The following ZC3H18 variants were observed in gnomAD, a reference collection of about 807,000 sequenced individuals.
ZC3H18 encodes the protein zinc finger CCCH domain-containing protein 18.
Under a neutral mutation model 106.1 loss-of-function variants are expected in ZC3H18, and 8 were observed. That is an observed-to-expected ratio of 0.08 (90% CI 0.04 to 0.14). ZC3H18 has a LOEUF of 0.14. Ranked by LOEUF, ZC3H18 falls within the 10% of genes least tolerant of loss-of-function variation. The probability of loss-of-function intolerance (pLI) is 1.00; values close to 1 mark genes in which losing one functional copy is unlikely to be tolerated. For synonymous variants in ZC3H18, 635 were observed against 522.1 expected, an observed-to-expected ratio of 1.22 and a Z score of -2.95; for missense variants, 1,318 against 1,278.4, an observed-to-expected ratio of 1.03 and a Z score of -0.47.
rs1479533560 is a variant in ZC3H18, at chr16:88,586,994, A to G, written c.688+310A>G. On this transcript the variant is annotated intron_variant, in intron 3 of 17. Coordinates refer to ENST00000301011, the MANE Select transcript of ZC3H18 (RefSeq NM_144604.4). ...CCATAACTATAATGCAGATGGCATC[A>G]GTCATTTTTCAAAGTGGTCCTTTTC... 2.0e-5 allele frequency among the ~76,000 whole-genome samples: 3 copies of G among 152,254 alleles called. 1 individual carries two copies. The South Asian group carries it at 6.2e-4, about 32-fold the overall frequency.
intron 17 of ZC3H18, among the ~76,000 whole-genome samples, 198 bp downstream of exon 17, chr16:88,630,779 C>T (rs112856134): frequency 0.068 from 9,583 of 140,280 alleles, 543 homozygotes; most frequent in Middle Eastern, 0.12. Context: ...CACACACACA[C>T]GCTCCTGCCC....
intron 8 of ZC3H18, among the ~76,000 whole-genome samples, chr16:88,618,659 G>A (rs965740405): frequency 2.6e-5 from 4 of 152,180 alleles, no homozygotes; most frequent in Non-Finnish European, 5.9e-5. Context: ...TTGCATTGGT[G>A]GTGGAGCTGA....
At chr16:88,595,067 C>G (rs1209337961) in intron 3 of ZC3H18, among the ~76,000 whole-genome samples, 1 of 152,206 alleles carries the variant, frequency 6.6e-6, no homozygotes, top group Non-Finnish European at 1.5e-5. Context: ...AGGAGAATCA[C>G]TTGAACCTGG....
At chr16:88,615,042 TG>T (rs1414800911) in intron 8 of ZC3H18, among the ~76,000 whole-genome samples, 3 of 130,246 alleles carry the variant, frequency 2.3e-5, no homozygotes, top group South Asian at 2.6e-4. Context: ...TGCCCCCACC[TG>T]CTCCGTTCCC....
At chr16:88,589,607 G>A (rs913597761) in intron 3 of ZC3H18, among the ~76,000 whole-genome samples, 3 of 151,938 alleles carry the variant, frequency 2.0e-5, no homozygotes, top group South Asian at 2.1e-4. Flanking sequence ...ACGCCGCAAC[G>A]TGGACGAGCC....
intron 2 of ZC3H18, among the ~76,000 whole-genome samples, chr16:88,584,847 A>G (rs1040178151): frequency 6.6e-6 from 1 of 152,174 alleles, no homozygotes; most frequent in Non-Finnish European, 1.5e-5. Flanking sequence ...TTTGTTTCCT[A>G]TTCATCCTGA....
chr16:88,598,281 T>A lies in ZC3H18; in HGVS notation c.792T>A (p.Gly264=). The change falls in exon 4 of 18, where the codon GGT becomes GGA. Residue 264 remains glycine (G), a synonymous_variant. Coordinates refer to ENST00000301011, the MANE Select transcript of ZC3H18 (RefSeq NM_144604.4). ...AAGCCGACCCCTTCCCGCCTAATGG[T>A]GCCCCGCCTCTCGGACCTCACCCGC... ...ITKADPFPPN[G]APPLGPHPLM... 3 of 1,609,882 alleles carry A rather than the reference T, an allele frequency of 1.9e-6. No homozygotes were observed. The highest frequency in any genetic ancestry group is 2.5e-6 in the Non-Finnish European group (3 of 1,178,458).
chr16:88,629,786 G>A (rs1702461692), intron 16 of ZC3H18, among the ~76,000 whole-genome samples: 1 of 152,224 alleles, frequency 6.6e-6, no homozygotes, highest in South Asian at 2.1e-4. Context: ...TTTGATGGGT[G>A]GAGCTCAAAC....
chr16:88,599,462 C>T (rs965491098), intron 5 of ZC3H18, among the ~76,000 whole-genome samples: 5 of 152,152 alleles, frequency 3.3e-5, no homozygotes, highest in Non-Finnish European at 5.9e-5. Context: ...TCACTTCCTT[C>T]CCTCTGAGAC....
chr16:88,580,515 A>G (rs570662848), intron 2 of ZC3H18, among the ~76,000 whole-genome samples: 4 of 152,244 alleles, frequency 2.6e-5, no homozygotes, highest in African/African-American at 7.2e-5. Context: ...CATCCTGTGC[A>G]TGAAGAGCTG....
At chr16:88,592,582 C>T (rs1443318752) in intron 3 of ZC3H18, among the ~76,000 whole-genome samples, 1 of 152,228 alleles carries the variant, frequency 6.6e-6, no homozygotes, top group Non-Finnish European at 1.5e-5. Context: ...TCAAACGATT[C>T]TCCTGCCTCA....
rs769824845 is a variant in ZC3H18, at chr16:88,628,009, G to C, written c.2359G>C (p.Gly787Arg). The C allele has an allele frequency of 6.2e-7, 1 of 1,614,174 alleles. No individual in the cohort carries two copies. The highest frequency in any genetic ancestry group is 1.1e-5 in the South Asian group (1 of 91,078). The change falls in exon 15 of 18, where the codon GGG (glycine) becomes CGG (arginine). Residue 787 changes from glycine to arginine, a missense_variant. Physicochemically the swap from Gly to Arg is moderately radical, Grantham distance 125. Around this residue, in one of 6 missense-constraint regions of ZC3H18, gnomAD observed 848 missense variants for 821.7 expected, o/e 1.03. Transcript: ENST00000301011. The part of the protein sequence containing the change: ...QPPKSAKPPA[G>R]GKSSQQPSTP... Reference sequence around the variant, plus strand: ...ACCCAAATCTGCAAAACCTCCAGCAGGGGGGAAGTCCTCCCAGCAGCCCTC... The same window carrying C: ...ACCCAAATCTGCAAAACCTCCAGCACGGGGGAAGTCCTCCCAGCAGCCCTC...
At chr16:88,585,858 G>A (rs1027447438) in intron 2 of ZC3H18, among the ~76,000 whole-genome samples, 2 of 152,108 alleles carry the variant, frequency 1.3e-5, no homozygotes, top group Admixed American at 6.5e-5. Flanking sequence ...GGAAGAGGCC[G>A]GGATCAGGCT....
intron 5 of ZC3H18, among the ~76,000 whole-genome samples, chr16:88,599,514 C>G (rs1028375290): frequency 2.0e-5 from 3 of 152,208 alleles, no homozygotes; most frequent in Non-Finnish European, 4.4e-5. Context: ...GTGACTGAAC[C>G]CTGGATCTAG....
intron 15 of ZC3H18, 82 bp from the exon 16 acceptor site, chr16:88,628,676 A>G: frequency 6.7e-7 from 1 of 1,485,058 alleles, no homozygotes; most frequent in Non-Finnish European, 9.4e-7. Flanking sequence ...GGTTGCTGGC[A>G]AGGAACCCAT....
At chr16:88,612,379 A>G (rs1357678946) in intron 8 of ZC3H18, among the ~76,000 whole-genome samples, 4 of 152,052 alleles carry the variant, frequency 2.6e-5, no homozygotes, top group East Asian at 1.9e-4. Flanking sequence ...TTTGCCCCCT[A>G]AAGTGAAACC....
At chr16:88,593,905 A>T (rs770253600) in intron 3 of ZC3H18, among the ~76,000 whole-genome samples, 3 of 152,240 alleles carry the variant, frequency 2.0e-5, no homozygotes, top group African/African-American at 4.8e-5. Flanking sequence ...ATGCCTGGGT[A>T]AAAGACCCAT....
At chr16:88,589,340 A>G (rs1052545850) in intron 3 of ZC3H18, among the ~76,000 whole-genome samples, 11 of 152,352 alleles carry the variant, frequency 7.2e-5, no homozygotes, top group East Asian at 1.9e-4. Flanking sequence ...GGACGTGTGC[A>G]TTTATGTGAA....
At chr16:88,615,792 G>A (rs1044420630) in intron 8 of ZC3H18, among the ~76,000 whole-genome samples, 1 of 152,162 alleles carries the variant, frequency 6.6e-6, no homozygotes, top group Non-Finnish European at 1.5e-5. Flanking sequence ...CCCTTCCCCA[G>A]CCCCTAGTCA....
Sources: gnomAD v4.1 joint callset for allele counts (sites outside exome capture counted in the v4.1 genomes callset) on GRCh38, gnomAD v4.1.1 for gene constraint, gnomAD v4.1.1 regional missense constraint, MANE v1.5 for transcripts, NCBI Gene and HGNC (gene_info 2026-07-23, HGNC 2026-07-21) for gene names.